Variants in DCC observed in about 807,000 individuals in gnomAD.
The protein encoded by DCC is netrin receptor DCC.
DCC carries 58 observed loss-of-function variants against 172.5 expected under a neutral mutation model. That is an observed-to-expected ratio of 0.34 (90% CI 0.27 to 0.42). The LOEUF (loss-of-function observed/expected upper bound fraction) is 0.42, where lower values mean the gene tolerates loss of function less well. DCC is among the 10% of genes least tolerant of loss of function. The pLI, the probability that DCC is intolerant of heterozygous loss-of-function variation, is 1.00. For synonymous variants in DCC, 709 were observed against 644.5 expected (o/e 1.10, Z -1.52); for missense variants, 1,740 against 1,791.0 (o/e 0.97, Z 0.51).
intron 1 of DCC, among the ~76,000 whole-genome samples, chr18:52,628,835 G>A (rs1030862482): frequency 4.6e-5 from 7 of 152,178 alleles, no homozygotes; most frequent in African/African-American, 7.2e-5. Context: ...ACCACATCAC[G>A]TCCCTGAAGC....
chr18:52,668,953 C>T (rs748682543), intron 1 of DCC, among the ~76,000 whole-genome samples: 4 of 152,194 alleles, frequency 2.6e-5, no homozygotes, highest in Admixed American at 6.5e-5. Context: ...TTTATCAAGA[C>T]AGGGGAATTG....
At chr18:52,374,299 A>C (rs542921725) in intron 1 of DCC, among the ~76,000 whole-genome samples, 8 of 152,066 alleles carry the variant, frequency 5.3e-5, no homozygotes, top group Non-Finnish European at 8.8e-5. Context: ...TTTACTGAGG[A>C]TATCTATTAT....
At chr18:53,213,686 A>G (rs903391584) in intron 11 of DCC, among the ~76,000 whole-genome samples, 25 of 150,360 alleles carry the variant, frequency 1.7e-4, no homozygotes, top group African/African-American at 5.9e-4. Context: ...AAGTGACTCA[A>G]TATCACTTAA....
At chr18:53,296,415 A>G (rs1406196067) in intron 12 of DCC, among the ~76,000 whole-genome samples, 1 of 152,058 alleles carries the variant, frequency 6.6e-6, no homozygotes, top group Non-Finnish European at 1.5e-5. Flanking sequence ...GTTTCCTTTC[A>G]TTTGTACCAT....
intron 21 of DCC, among the ~76,000 whole-genome samples, chr18:53,422,461 G>A (rs11872591): frequency 0.43 from 65,537 of 151,858 alleles, 15,944 homozygotes; most frequent in Non-Finnish European, 0.56. Context: ...GAGAATCTCT[G>A]CTCTTGACGT....
At chr18:53,522,581 A>G (rs1205234649) in intron 27 of DCC, among the ~76,000 whole-genome samples, 3 of 152,168 alleles carry the variant, frequency 2.0e-5, no homozygotes, top group Non-Finnish European at 4.4e-5. Flanking sequence ...ATATAAACCA[A>G]TGGAACAGAA....
intron 13 of DCC, among the ~76,000 whole-genome samples, chr18:53,319,933 C>T (rs1237959469): frequency 6.6e-6 from 1 of 152,180 alleles, no homozygotes; most frequent in Non-Finnish European, 1.5e-5. Flanking sequence ...TAACTGGGTG[C>T]TGTAGCCACC....
At chr18:53,217,786 A>T (rs1445627258) in intron 12 of DCC, among the ~76,000 whole-genome samples, 1 of 152,132 alleles carries the variant, frequency 6.6e-6, no homozygotes, top group Admixed American at 6.6e-5. Flanking sequence ...AAAAAGAAAC[A>T]TTATAGTTGA....
intron 15 of DCC, among the ~76,000 whole-genome samples, chr18:53,368,057 G>C (rs1480900840): frequency 6.6e-6 from 1 of 151,998 alleles, no homozygotes; most frequent in Non-Finnish European, 1.5e-5. Flanking sequence ...AGTGCACAAG[G>C]GTTCCTATTT....
chr18:52,847,879 C>A (rs2038919614), intron 2 of DCC, among the ~76,000 whole-genome samples: 1 of 152,120 alleles, frequency 6.6e-6, no homozygotes, highest in Non-Finnish European at 1.5e-5. Flanking sequence ...TTTCTCTCAT[C>A]TGTAAAATAT....
intron 2 of DCC, among the ~76,000 whole-genome samples, chr18:52,852,095 G>A (rs2038984204): frequency 6.6e-6 from 1 of 151,946 alleles, no homozygotes; most frequent in South Asian, 2.1e-4. Flanking sequence ...CTTAAAATTG[G>A]CATCCTATCT....
chr18:52,970,772 C>T (rs1191018272), intron 5 of DCC, among the ~76,000 whole-genome samples: 3 of 152,148 alleles, frequency 2.0e-5, no homozygotes, highest in African/African-American at 4.8e-5. Context: ...TGATGAATAA[C>T]ACAATTCCAT....
intron 1 of DCC, among the ~76,000 whole-genome samples, chr18:52,537,810 C>T (rs2032330619): frequency 6.6e-6 from 1 of 152,078 alleles, no homozygotes; most frequent in South Asian, 2.1e-4. Context: ...TGTCTAAAGC[C>T]AGCCAATGAT....
chr18:52,789,843 C>A (rs2145202634), intron 2 of DCC, among the ~76,000 whole-genome samples: 1 of 152,220 alleles, frequency 6.6e-6, no homozygotes, highest in East Asian at 1.9e-4. Context: ...TAGTCCAAAA[C>A]AAAGATAATA....
chr18:53,516,526 G>A (rs1232008327), intron 27 of DCC, among the ~76,000 whole-genome samples: 1 of 150,042 alleles, frequency 6.7e-6, no homozygotes, highest in Non-Finnish European at 1.5e-5. Flanking sequence ...CTACAAAATG[G>A]GAGAAAATTT....
chr18:53,315,661 G>A (rs1335023438), intron 13 of DCC, among the ~76,000 whole-genome samples: 1 of 152,064 alleles, frequency 6.6e-6, no homozygotes, highest in African/African-American at 2.4e-5. Context: ...CATTCTAACT[G>A]ACATGAGATG....
At chr18:53,122,527 G>A (rs1039785636) in intron 7 of DCC, among the ~76,000 whole-genome samples, 2 of 151,794 alleles carry the variant, frequency 1.3e-5, no homozygotes, top group African/African-American at 4.8e-5. Context: ...TTTTTCAGCT[G>A]ATTCTTCTTT....
intron 21 of DCC, among the ~76,000 whole-genome samples, chr18:53,425,708 A>G (rs1399491354): frequency 1.3e-5 from 2 of 152,064 alleles, no homozygotes; most frequent in East Asian, 1.9e-4. Flanking sequence ...TGCTAAAATC[A>G]TCATCATCAG....
intron 5 of DCC, among the ~76,000 whole-genome samples, chr18:52,950,414 T>G (rs2145545731): frequency 6.6e-6 from 1 of 152,286 alleles, no homozygotes; most frequent in Middle Eastern, 3.4e-3. Flanking sequence ...TTATAACACA[T>G]CTGAGCATCA....
Sources: gnomAD v4.1 joint callset for allele counts (sites outside exome capture counted in the v4.1 genomes callset) on GRCh38, gnomAD v4.1.1 for gene constraint, MANE v1.5 for transcripts, NCBI Gene and HGNC (gene_info 2026-07-23, HGNC 2026-07-21) for gene names.